ZNF804B: variants seen among roughly 807,000 people sequenced by gnomAD.
ZNF804B encodes zinc finger protein 804B.
In ZNF804B, 80 loss-of-function variants were observed where a neutral mutation model predicts 101.4. The observed-to-expected ratio is 0.79, with a 90% CI of 0.66 to 0.95. ZNF804B has a LOEUF of 0.95. ZNF804B is among the 40% of genes least tolerant of loss of function. The probability of loss-of-function intolerance (pLI) is 0.00; values close to 1 mark genes in which losing one functional copy is unlikely to be tolerated. For synonymous variants in ZNF804B, 622 were observed against 558.8 expected (o/e 1.11, Z -1.59); for missense variants, 1,673 against 1,561.9 (o/e 1.07, Z -1.20).
At chr7:88,806,396 T>A (rs1380530450) in intron 1 of ZNF804B, among the ~76,000 whole-genome samples, 1 of 152,160 alleles carries the variant, frequency 6.6e-6, no homozygotes, top group African/African-American at 2.4e-5. Flanking sequence ...GAGGCCACAC[T>A]TTTTTGGTTT....
chr7:89,207,373 G>A (rs1246480848), intron 1 of ZNF804B, among the ~76,000 whole-genome samples: 1 of 152,166 alleles, frequency 6.6e-6, no homozygotes, highest in Admixed American at 6.5e-5. Flanking sequence ...ATGCCTGCAG[G>A]CAAGAGGGCA....
At chr7:89,274,374 T>C (rs1789945995) in intron 2 of ZNF804B, among the ~76,000 whole-genome samples, 2 of 121,910 alleles carry the variant, frequency 1.6e-5, no homozygotes, top group African/African-American at 6.5e-5. Context: ...TGCGATCTCA[T>C]TGTTCAATTC....
At chr7:89,038,883 C>T (rs904744307) in intron 1 of ZNF804B, among the ~76,000 whole-genome samples, 4 of 151,980 alleles carry the variant, frequency 2.6e-5, no homozygotes, top group Non-Finnish European at 4.4e-5. Context: ...AGTGGATATC[C>T]AGTTTTCCCA....
At chr7:89,246,038 CATT>C (rs761923196) in intron 2 of ZNF804B, among the ~76,000 whole-genome samples, 15 of 152,220 alleles carry the variant, frequency 9.9e-5, no homozygotes, top group Middle Eastern at 3.4e-3. Context: ...AGCAGGATGT[CATT>C]ATAACCTGGG....
chr7:88,886,492 G>T (rs1206142654), intron 1 of ZNF804B, among the ~76,000 whole-genome samples: 1 of 152,074 alleles, frequency 6.6e-6, no homozygotes, highest in Non-Finnish European at 1.5e-5. Flanking sequence ...AATATTTTCT[G>T]CAGTGATAAA....
At chr7:88,878,404 A>T (rs1791982797) in intron 1 of ZNF804B, among the ~76,000 whole-genome samples, 1 of 152,132 alleles carries the variant, frequency 6.6e-6, no homozygotes, top group Admixed American at 6.6e-5. Context: ...CCTCATGGAT[A>T]TATGTCTTAA....
chr7:88,798,918 A>ATTTT (rs904068066), intron 1 of ZNF804B, among the ~76,000 whole-genome samples: 1 of 152,096 alleles, frequency 6.6e-6, no homozygotes, highest in East Asian at 1.9e-4. Flanking sequence ...ATAAAGAAGC[A>ATTTT]TTTGTGTTAT....
At chr7:88,884,999 C>T (rs1792102909) in intron 1 of ZNF804B, among the ~76,000 whole-genome samples, 1 of 151,780 alleles carries the variant, frequency 6.6e-6, no homozygotes, top group African/African-American at 2.4e-5. Flanking sequence ...GCTTAAGGTG[C>T]TCCCGAATAA....
At chr7:89,007,443 ATT>A (rs757599818) in intron 1 of ZNF804B, among the ~76,000 whole-genome samples, 823 of 44,044 alleles carry the variant, frequency 0.019, 34 homozygotes, top group African/African-American at 0.047. Flanking sequence ...GTTATCCATG[ATT>A]TTATATATAT....
chr7:89,311,904 A>T (rs889046456), intron 2 of ZNF804B, among the ~76,000 whole-genome samples: 3 of 152,210 alleles, frequency 2.0e-5, no homozygotes, highest in Non-Finnish European at 4.4e-5. Flanking sequence ...TAAACCTTGT[A>T]ATTAAAACCA....
intron 1 of ZNF804B, among the ~76,000 whole-genome samples, chr7:89,126,291 A>G (rs1562891184): frequency 6.6e-6 from 1 of 152,006 alleles, no homozygotes; most frequent in Non-Finnish European, 1.5e-5. Context: ...GAATAAAGGT[A>G]TTTCTCAAAT....
intron 1 of ZNF804B, among the ~76,000 whole-genome samples, chr7:88,817,489 G>T (rs999560884): frequency 1.3e-5 from 2 of 152,098 alleles, no homozygotes; most frequent in African/African-American, 4.8e-5. Flanking sequence ...TGAAGGGAAA[G>T]GAAAGAAAGG....
chr7:89,018,292 C>A lies in ZNF804B; in HGVS notation c.109-199863C>A, dbSNP rs147903384. Reference sequence around the variant, plus strand: ...GATCATATGATTTTACTCTTTTATTCTGTTGATGTGATGTATCATATTTAT... The same window carrying A: ...GATCATATGATTTTACTCTTTTATTATGTTGATGTGATGTATCATATTTAT... On this transcript the variant is annotated intron_variant, in intron 1 of 3. Coordinates refer to ENST00000333190, the MANE Select transcript of ZNF804B (RefSeq NM_181646.5). Among the ~76,000 whole-genome samples, 36 of 151,996 alleles carry A rather than the reference C, an allele frequency of 2.4e-4. No homozygotes were observed. The East Asian group carries it at 7.0e-3, about 29-fold the overall frequency.
chr7:88,813,611 T>C (rs979799131), intron 1 of ZNF804B, among the ~76,000 whole-genome samples: 12 of 152,136 alleles, frequency 7.9e-5, no homozygotes, highest in Non-Finnish European at 1.6e-4. Flanking sequence ...GAGATCCATA[T>C]TATTCTGTTG....
intron 1 of ZNF804B, among the ~76,000 whole-genome samples, chr7:89,141,890 T>A (rs1024213476): frequency 1.5e-4 from 6 of 39,596 alleles, no homozygotes; most frequent in Admixed American, 4.3e-4. Context: ...AAAGAAAAAA[T>A]ATATAATAAT....
chr7:89,090,274 C>T (rs992474688), intron 1 of ZNF804B, among the ~76,000 whole-genome samples: 1 of 151,812 alleles, frequency 6.6e-6, no homozygotes, highest in African/African-American at 2.4e-5. Context: ...ATAGAAGGTT[C>T]CTGGAATGCA....
chr7:89,291,996 A>C (rs1357862243), intron 2 of ZNF804B, among the ~76,000 whole-genome samples: 2 of 152,144 alleles, frequency 1.3e-5, no homozygotes, highest in Non-Finnish European at 2.9e-5. Flanking sequence ...AAAGTGCTGA[A>C]AGAAAAACAA....
At chr7:88,831,164 T>C (rs758215404) in intron 1 of ZNF804B, among the ~76,000 whole-genome samples, 3 of 151,928 alleles carry the variant, frequency 2.0e-5, no homozygotes, top group African/African-American at 4.8e-5. Context: ...TTTAGAATAT[T>C]ATTGTCACTT....
At chr7:88,996,086 A>T (rs1425791246) in intron 1 of ZNF804B, among the ~76,000 whole-genome samples, 2 of 152,028 alleles carry the variant, frequency 1.3e-5, no homozygotes, top group African/African-American at 4.8e-5. Context: ...AATCTAAGGA[A>T]AGCTGCACGA....
Sources: allele counts gnomAD v4.1 joint callset (sites outside exome capture counted in the v4.1 genomes callset), GRCh38; gene constraint gnomAD v4.1.1; transcripts MANE v1.5; gene names NCBI Gene and HGNC (gene_info 2026-07-23, HGNC 2026-07-21).